Variants in UNC45B observed in about 807,000 individuals in gnomAD.
UNC45B encodes the protein unc-45 myosin chaperone B.
In UNC45B, 78 loss-of-function variants were observed where a neutral mutation model predicts 98.7. The observed-to-expected ratio is 0.79, with a 90% CI of 0.66 to 0.95. UNC45B has a LOEUF of 0.95. Ranked by LOEUF, UNC45B falls within the 40% of genes least tolerant of loss-of-function variation. The probability of loss-of-function intolerance (pLI) is 0.00; values close to 1 mark genes in which losing one functional copy is unlikely to be tolerated. For missense variants in UNC45B, 1,225 were observed against 1,184.9 expected (o/e 1.03, Z -0.50); for synonymous variants, 462 against 480.4 (o/e 0.96, Z 0.50).
intron 4 of UNC45B, among the ~76,000 whole-genome samples, chr17:35,151,690 T>G (rs1013590040): frequency 1.1e-4 from 17 of 152,198 alleles, no homozygotes; most frequent in Non-Finnish European, 2.2e-4. Flanking sequence ...AGAAGCCCTG[T>G]GGTAGGACCA....
chr17:35,152,604 G>A (rs918751953), intron 4 of UNC45B, among the ~76,000 whole-genome samples: 2 of 152,178 alleles, frequency 1.3e-5, no homozygotes, highest in African/African-American at 4.8e-5. Context: ...TCTAAAACTT[G>A]GCTGAAGATC....
At chr17:35,178,696 A>G (rs1222312288) in intron 17 of UNC45B, among the ~76,000 whole-genome samples, 2 of 152,182 alleles carry the variant, frequency 1.3e-5, no homozygotes, top group Non-Finnish European at 2.9e-5. Flanking sequence ...TCTTTAATCC[A>G]TCTTGAGTTA....
chr17:35,168,525 G>T (rs1299921009), intron 10 of UNC45B, among the ~76,000 whole-genome samples, 164 bp downstream of exon 10: 2 of 152,110 alleles, frequency 1.3e-5, no homozygotes, highest in Non-Finnish European at 2.9e-5. Flanking sequence ...TATCCAGGGG[G>T]CTTGTGAGGA....
intron 19 of UNC45B, among the ~76,000 whole-genome samples, chr17:35,184,349 T>C (rs2092291004): frequency 6.6e-6 from 1 of 152,206 alleles, no homozygotes; most frequent in South Asian, 2.1e-4. Flanking sequence ...TTCTCAAAAC[T>C]GTAATGTGTG....
At chr17:35,165,466 C>A (rs550269019) in intron 9 of UNC45B, among the ~76,000 whole-genome samples, 1 of 152,334 alleles carries the variant, frequency 6.6e-6, no homozygotes, top group African/African-American at 2.4e-5. Context: ...CAGGAAGCTG[C>A]ATGCTTAAAA....
intron 14 of UNC45B, among the ~76,000 whole-genome samples, chr17:35,174,927 GAGAA>G (rs778663846): frequency 1.5e-4 from 21 of 136,536 alleles, no homozygotes; most frequent in Non-Finnish European, 2.2e-4. Flanking sequence ...AGGGAGGAAG[GAGAA>G]AGAAAGAAAA....
intron 18 of UNC45B, among the ~76,000 whole-genome samples, chr17:35,183,209 A>T (rs968973193): frequency 6.7e-6 from 1 of 149,542 alleles, no homozygotes; most frequent in Non-Finnish European, 1.5e-5. Context: ...GGTGAAGCAC[A>T]CTAGATGGGG....
At chr17:35,184,979 C>T (rs1040332525) in intron 19 of UNC45B, among the ~76,000 whole-genome samples, 2 of 152,182 alleles carry the variant, frequency 1.3e-5, no homozygotes, top group African/African-American at 4.8e-5. Flanking sequence ...TCTATCACTG[C>T]TTCCTTTGAC....
intron 19 of UNC45B, among the ~76,000 whole-genome samples, chr17:35,184,608 A>T (rs898554051): frequency 1.3e-5 from 2 of 152,080 alleles, no homozygotes; most frequent in African/African-American, 2.4e-5. Context: ...AATTCTCCCA[A>T]CCACCGTGTG....
chr17:35,183,334 T>A, intron 18 of UNC45B, 93 bp from the exon 19 acceptor site: 1 of 1,353,150 alleles, frequency 7.4e-7, no homozygotes, highest in South Asian at 2.2e-5. Flanking sequence ...CTCTAAGAGA[T>A]CTTGGGTCAG....
intron 9 of UNC45B, among the ~76,000 whole-genome samples, chr17:35,166,230 T>C (rs763231866): frequency 1.6e-4 from 24 of 151,972 alleles, no homozygotes; most frequent in Non-Finnish European, 3.2e-4. Flanking sequence ...AATGCACTAC[T>C]GCACTCCAGC....
At position 35,154,745 on chromosome 17, in the gene UNC45B, A is replaced by T. The variant is rs2092046455; in HGVS notation, c.639+4A>T. ...GTGCAGCGGCCACCAAGCCAGAGTA[A>T]GTGCCCGGCTGTGGGGCATGTGGAG... is the stretch of plus-strand genomic sequence containing the variant. On this transcript the variant is annotated splice_donor_region_variant and intron_variant, in intron 6 of 19. Coordinates refer to ENST00000394570, the MANE Select transcript of UNC45B (RefSeq NM_001267052.2). The T allele has an allele frequency of 1.9e-6, 3 of 1,575,256 alleles. No homozygotes were observed. The highest frequency in any genetic ancestry group is 2.6e-6 in the Non-Finnish European group (3 of 1,165,346).
At chr17:35,156,151 T>C (rs568149285) in intron 7 of UNC45B, among the ~76,000 whole-genome samples, 36 of 152,246 alleles carry the variant, frequency 2.4e-4, no homozygotes, top group Non-Finnish European at 5.0e-4. Context: ...AGTAGTCAAA[T>C]TCATGGAGAT....
Position 35,155,407 on chromosome 17 carries a change from TC to T in UNC45B, c.753del (p.Leu252CysfsTer18). 3.1e-6 allele frequency: 5 copies of T among 1,614,160 alleles called. No individual in the cohort carries two copies. Among genetic ancestry groups the T allele is most frequent in the Non-Finnish European group, 3.4e-6 (4 of 1,180,028 alleles). ...CAACCTGCTCCAAGCCATCATTGAC[TC>T]CTTGTCTGGGGAGGACAAGCGGGAG... Reference protein sequence around the residue: ...VCNLLQAIIDSLSGEDKREHR... With the variant: ...VCNLLQAIIDXLSGEDKREHR... On this transcript the variant is annotated frameshift_variant, in exon 7 of 20. Transcript: ENST00000394570. LOFTEE classifies it high-confidence loss of function.
In UNC45B at chr17:35,152,941, A is replaced by T; in HGVS notation, c.430A>T (p.Ile144Phe). ...CTCGAGGGTACAGAAGATGTTTGAGATCCTCTTGGATGAAAACAGTGAGGC... is the reference window on the plus strand; with the variant it reads ...CTCGAGGGTACAGAAGATGTTTGAGTTCCTCTTGGATGAAAACAGTGAGGC... ...TDSRVQKMFEILLDENSEADK... is the reference protein window; with the variant it reads ...TDSRVQKMFEFLLDENSEADK... Residue 144 changes from isoleucine to phenylalanine, a missense_variant, in exon 5 of 20, where the codon ATC (isoleucine) becomes TTC (phenylalanine). By Grantham distance (21) the Ile-to-Phe change is conservative. Coordinates refer to ENST00000394570, the MANE Select transcript of UNC45B (RefSeq NM_001267052.2). 6.2e-7 allele frequency: 1 copy of T among 1,614,052 alleles called. No individual in the cohort carries two copies. The highest frequency in any genetic ancestry group is 8.5e-7 in the Non-Finnish European group (1 of 1,180,004).
chr17:35,177,845 TTCTTTTCTCTTCTCTTC>T (rs1405010875), intron 17 of UNC45B, among the ~76,000 whole-genome samples: 2 of 151,174 alleles, frequency 1.3e-5, no homozygotes, highest in African/African-American at 4.8e-5. Flanking sequence ...CTTTTGTCTT[TTCTTTTCTCTTCTCTTC>T]TCTTTTCTTT....
chr17:35,187,031 C>G lies in UNC45B; in HGVS notation c.*472C>G. ...ACTATTTGAATCAGTCTGTTCAGAA[C>G]TGTGTGTTTCACCTGCAGTGCTCTG... On this transcript the variant is annotated 3_prime_UTR_variant, in exon 20 of 20. Transcript: ENST00000394570. 1 of 165,120 alleles carries G rather than the reference C, an allele frequency of 6.1e-6. No homozygotes were observed. Among genetic ancestry groups the G allele is most frequent in the Non-Finnish European group, 1.3e-5 (1 of 74,464 alleles). 10.2% of individuals were successfully genotyped at this position (165,120 alleles called of 1,614,324 possible).
chr17:35,168,411 G>C (rs1334859881), intron 10 of UNC45B, 50 bp downstream of exon 10: 1 of 1,301,440 alleles, frequency 7.7e-7, no homozygotes, highest in African/African-American at 1.5e-5. Context: ...TGCCATGCCA[G>C]GCACCAGGGA....
rs766448432 is a variant in UNC45B at position 35,155,368 on chromosome 17, T to A, written c.712T>A (p.Ser238Thr). 2.2e-5 allele frequency: 35 copies of A among 1,614,044 alleles called. No individual in the cohort carries two copies. The highest frequency in any genetic ancestry group is 2.7e-5 in the Non-Finnish European group (32 of 1,180,040). ...CATGGCCGTGGAGAATGAGGAGATG[T>A]CTCTGGCTGTCTGCAACCTGCTCCA... Reference protein sequence around the residue: ...SLMAVENEEMSLAVCNLLQAI... With the variant: ...SLMAVENEEMTLAVCNLLQAI... Residue 238 changes from serine to threonine, a missense_variant, in exon 7 of 20, where the codon TCT becomes ACT. Physicochemically the swap from Ser to Thr is moderately conservative, Grantham distance 58 (BLOSUM62 1). Transcript: ENST00000394570.
Sources: gnomAD v4.1 joint callset for allele counts (sites outside exome capture counted in the v4.1 genomes callset) on GRCh38, gnomAD v4.1.1 for gene constraint, MANE v1.5 for transcripts, NCBI Gene and HGNC (gene_info 2026-07-23, HGNC 2026-07-21) for gene names.